Variants in GNL3L observed in about 807,000 individuals in gnomAD.
The protein encoded by GNL3L is G protein nucleolar 3 like.
In GNL3L, 4 loss-of-function variants were observed where a neutral mutation model predicts 42.9. The ratio of observed to expected loss-of-function variants is 0.09; its 90% CI spans 0.05 to 0.21. The LOEUF is 0.21. Ranked by LOEUF, GNL3L falls within the 10% of genes least tolerant of loss-of-function variation. The probability of loss-of-function intolerance (pLI) is 1.00; values close to 1 mark genes in which losing one functional copy is unlikely to be tolerated. For missense variants in GNL3L, 412 were observed against 481.7 expected, an observed-to-expected ratio of 0.86 and a Z score of 1.36; for synonymous variants, 159 against 176.3, an observed-to-expected ratio of 0.90 and a Z score of 0.78.
In GNL3L at chrX:54,551,698, G is replaced by A; in HGVS notation, c.994G>A (p.Val332Met). 2 of 1,211,600 alleles carry A rather than the reference G, an allele frequency of 1.7e-6. No individual in the cohort carries two copies. The highest frequency in any genetic ancestry group is 3.5e-5 in the South Asian group (2 of 57,006). Residue 332 changes from valine (V) to methionine (M), a missense_variant, in exon 11 of 16, where the codon GTG becomes ATG. Physicochemically the swap from Val to Met is conservative, Grantham distance 21 (BLOSUM62 1). Coordinates refer to ENST00000360845, the MANE Select transcript of GNL3L (RefSeq NM_001184819.2). Reference protein sequence around the residue: ...CVHVQKLADPVTPVETILQRC... With the variant: ...CVHVQKLADPMTPVETILQRC... ...CCACGTGCAGAAGCTGGCAGACCCT[G>A]TGACCCCAGTGGAGACCATCCTGCA...
intron 16 of GNL3L, among the ~76,000 whole-genome samples, chrX:54,572,722 G>T (rs1043412122): frequency 1.8e-5 from 2 of 110,127 alleles, no homozygotes; most frequent in Non-Finnish European, 3.8e-5. Flanking sequence ...GGTAGCTGCC[G>T]GGCGGAGATG....
intron 16 of GNL3L, among the ~76,000 whole-genome samples, chrX:54,573,133 C>A (rs1248553500): frequency 8.9e-6 from 1 of 111,839 alleles, no homozygotes; most frequent in African/African-American, 3.3e-5. Flanking sequence ...TCCTCACTTC[C>A]CAGACGGGGT....
intron 15 of GNL3L, among the ~76,000 whole-genome samples, chrX:54,559,324 T>C (rs1925193212): frequency 9.0e-6 from 1 of 111,441 alleles, no homozygotes; most frequent in South Asian, 3.8e-4. Flanking sequence ...GCAGGCTATA[T>C]ATCAATAGGC....
chrX:54,537,026 C>CTTT (rs747450203), intron 2 of GNL3L, among the ~76,000 whole-genome samples: 13 of 85,899 alleles, frequency 1.5e-4, no homozygotes, highest in African/African-American at 5.4e-4. Context: ...GGTTGTTAAT[C>CTTT]TTTTTTTTTT....
At chrX:54,620,546 C>A (rs1255429767) in intron 16 of GNL3L, among the ~76,000 whole-genome samples, 1 of 112,027 alleles carries the variant, frequency 8.9e-6, no homozygotes, top group Non-Finnish European at 1.9e-5. Context: ...TGTTGATGGA[C>A]ACTTAAGCTG....
chrX:54,564,429 G>T lies in GNL3L; in HGVS notation c.*3827G>T, dbSNP rs746462933. ...TTTTTTTTTTTTTTTTTTTGAGACA[G>T]AGTCTAGCTCTGTTGTCCAGGCTGG... is the stretch of plus-strand genomic sequence containing the variant. On this transcript the variant is annotated 3_prime_UTR_variant, in exon 16 of 16. Coordinates refer to ENST00000360845, the MANE Select transcript of GNL3L (RefSeq NM_001184819.2). Among the ~76,000 whole-genome samples the T allele has an allele frequency of 1.2e-4, 10 of 85,023 alleles. No individual in the cohort carries two copies. The highest frequency in any genetic ancestry group is 4.9e-4 in the African/African-American group (10 of 20,221). The allele number at this position is 85,023 out of a possible 115,157, so 73.8% of individuals were successfully genotyped here.
intron 3 of GNL3L, among the ~76,000 whole-genome samples, chrX:54,539,873 A>C (rs1924555997): frequency 9.0e-6 from 1 of 111,529 alleles, no homozygotes; most frequent in South Asian, 3.7e-4. Context: ...GAGGACCTCT[A>C]CCCAGCCAGA....
At chrX:54,621,416 C>T (rs1463817616) in exon 17 of GNL3L, among the ~76,000 whole-genome samples, 1 of 111,634 alleles carries the variant, frequency 9.0e-6, no homozygotes, top group African/African-American at 3.3e-5. Flanking sequence ...TCTTGGACAT[C>T]CAGTAAAGTT....
chrX:54,548,210 A>T lies in GNL3L; in HGVS notation c.631-19A>T. The T allele has an allele frequency of 8.3e-7, 1 of 1,198,306 alleles. No homozygotes were observed. Among genetic ancestry groups the T allele is most frequent in the Non-Finnish European group, 1.1e-6 (1 of 884,843 alleles). ...TGCCACCTGATGTCTCTTCTGTGATATTCAATTTTTTTTTCCAGAATCGTT... is the reference window on the plus strand; with the variant it reads ...TGCCACCTGATGTCTCTTCTGTGATTTTCAATTTTTTTTTCCAGAATCGTT... On this transcript the variant is annotated intron_variant, in intron 8 of 15. Transcript: ENST00000360845.
In GNL3L at chrX:54,565,378, A is replaced by G. The variant is rs780074252; in HGVS notation, c.*4776A>G. On this transcript the variant is annotated 3_prime_UTR_variant, in exon 16 of 16. Transcript: ENST00000360845. ...ATGTTTGACATTTTAAGAAACTTCT[A>G]AACTGTTTTTCAAAGTGGCTCTACC... is the stretch of plus-strand genomic sequence containing the variant. 8.9e-6 allele frequency among the ~76,000 whole-genome samples: 1 copy of G among 112,674 alleles called. No individual in the cohort carries two copies. Among genetic ancestry groups the G allele is most frequent in the African/African-American group, 3.2e-5 (1 of 31,095 alleles).
At chrX:54,570,514 A>C (rs1925529133), downstream of GNL3L, among the ~76,000 whole-genome samples, 1 of 111,804 alleles carries the variant, frequency 8.9e-6, no homozygotes, top group Admixed American at 9.5e-5. Flanking sequence ...TCTGCCTTTT[A>C]ATTGATGTTT....
intron 16 of GNL3L, among the ~76,000 whole-genome samples, chrX:54,606,939 C>T (rs1926068847): frequency 9.1e-6 from 1 of 110,493 alleles, no homozygotes; most frequent in Non-Finnish European, 1.9e-5. Flanking sequence ...CCATGCCTGA[C>T]TGTTCTATAT....
Position 54,551,894 on chromosome X carries a change from C to T in GNL3L, c.1101C>T (p.Ala367=). The change falls in exon 12 of 16, where the codon GCC becomes GCT. Residue 367 remains alanine (A), a synonymous_variant. Transcript: ENST00000360845. The part of the protein sequence containing the change: ...QTTEHFLTAV[A]HRLGKKKKGG... ...CTGAGCACTTTCTGACGGCAGTGGC[C>T]CACCGTTTGGGGAAGAAGAAGAAGG... The T allele has an allele frequency of 8.3e-7, 1 of 1,211,068 alleles. No individual in the cohort carries two copies. The highest frequency in any genetic ancestry group is 1.7e-5 in the African/African-American group (1 of 57,895).
chrX:54,551,889 G>A lies in GNL3L; in HGVS notation c.1096G>A (p.Val366Met), dbSNP rs1177580047. 5 of 1,210,936 alleles carry A rather than the reference G, an allele frequency of 4.1e-6. No individual in the cohort carries two copies. The highest frequency in any genetic ancestry group is 4.5e-6 in the Non-Finnish European group (4 of 894,475). The change falls in exon 12 of 16, where the codon GTG becomes ATG. Residue 366 changes from valine (V) to methionine (M), a missense_variant. By Grantham distance (21) the Val-to-Met change is conservative. Coordinates refer to ENST00000360845, the MANE Select transcript of GNL3L (RefSeq NM_001184819.2). ...GACCACTGAGCACTTTCTGACGGCAGTGGCCCACCGTTTGGGGAAGAAGAA... is the reference window on the plus strand; with the variant it reads ...GACCACTGAGCACTTTCTGACGGCAATGGCCCACCGTTTGGGGAAGAAGAA... ...FQTTEHFLTA[V>M]AHRLGKKKKG...
the GNL3L span, among the ~76,000 whole-genome samples, chrX:54,643,524 A>C: frequency 2.7e-5 from 3 of 110,853 alleles, no homozygotes; most frequent in Middle Eastern, 4.2e-3. Flanking sequence ...TATGGGTTAC[A>C]TGTGATATTT....
chrX:54,644,077 G>A, the GNL3L span, among the ~76,000 whole-genome samples: 1 of 111,787 alleles, frequency 8.9e-6, no homozygotes, highest in African/African-American at 3.2e-5. Flanking sequence ...AATAAACATG[G>A]GAGTGCAGAT....
chrX:54,582,173 T>C (rs1206257952), intron 16 of GNL3L, among the ~76,000 whole-genome samples: 1 of 111,286 alleles, frequency 9.0e-6, no homozygotes, highest in East Asian at 2.8e-4. Context: ...TCTTATTCTG[T>C]TAGTCCCTAG....
intron 16 of GNL3L, among the ~76,000 whole-genome samples, chrX:54,607,030 TTCTTTC>T (rs1926080101): frequency 1.5e-5 from 1 of 68,207 alleles, no homozygotes; most frequent in Admixed American, 1.5e-4. Flanking sequence ...CTTTCTTTCT[TTCTTTC>T]TTTCTTTCTT....
chrX:54,643,196 A>G, the GNL3L span, among the ~76,000 whole-genome samples: 2 of 111,973 alleles, frequency 1.8e-5, no homozygotes, highest in African/African-American at 3.2e-5. Flanking sequence ...TATTATTACA[A>G]TGTATGGAGT....
Sources: gnomAD v4.1 joint callset for allele counts (sites outside exome capture counted in the v4.1 genomes callset) on GRCh38, gnomAD v4.1.1 for gene constraint, MANE v1.5 for transcripts, NCBI Gene and HGNC (gene_info 2026-07-23, HGNC 2026-07-21) for gene names.